The following C1orf146 variants were observed in gnomAD, a reference collection of about 807,000 sequenced individuals.
C1orf146 encodes protein SPO16 homolog.
In C1orf146, 22 loss-of-function variants were observed where a neutral mutation model predicts 23.0. The ratio of observed to expected loss-of-function variants is 0.96; its 90% CI spans 0.68 to 1.36. C1orf146 has a LOEUF of 1.36. C1orf146 is among the 40% of genes most tolerant of loss of function. The pLI is 0.00. For missense variants in C1orf146, 199 were observed against 206.8 expected, an observed-to-expected ratio of 0.96 and a Z score of 0.23; for synonymous variants, 59 against 65.3, an observed-to-expected ratio of 0.90 and a Z score of 0.47.
intron 1 of C1orf146, chr1:92,229,245 A>G (rs893072000): frequency 9.0e-6 from 5 of 556,022 alleles, no homozygotes; most frequent in African/African-American, 1.9e-5. Context: ...GCCGCTGGAC[A>G]GCACTGTGTT....
chr1:92,220,549 C>T (rs774399366), intron 1 of C1orf146, among the ~76,000 whole-genome samples: 7 of 152,128 alleles, frequency 4.6e-5, no homozygotes, highest in Non-Finnish European at 1.0e-4. Context: ...TGTAGGCAAC[C>T]TGCATATCTA....
At chr1:92,236,371 G>A (rs529316525) in intron 2 of C1orf146, among the ~76,000 whole-genome samples, 5 of 152,028 alleles carry the variant, frequency 3.3e-5, no homozygotes, top group Admixed American at 1.3e-4. Flanking sequence ...CTTATGAAGC[G>A]TAGTTTGGCT....
chr1:92,222,145 G>A (rs1651832877), intron 1 of C1orf146, among the ~76,000 whole-genome samples: 1 of 152,146 alleles, frequency 6.6e-6, no homozygotes, highest in African/African-American at 2.4e-5. Flanking sequence ...GGAGGCTGAG[G>A]CACGAGAACC....
intron 1 of C1orf146, among the ~76,000 whole-genome samples, chr1:92,219,472 A>G (rs1211135583): frequency 6.9e-6 from 1 of 144,676 alleles, no homozygotes; most frequent in African/African-American, 2.5e-5. Context: ...CTAACTTACC[A>G]TCACTGAAAG....
intron 1 of C1orf146, among the ~76,000 whole-genome samples, chr1:92,229,798 A>G (rs1652064737): frequency 6.6e-6 from 1 of 152,176 alleles, no homozygotes; most frequent in African/African-American, 2.4e-5. Context: ...TGATATCTAT[A>G]ATATACAAAG....
chr1:92,222,633 C>CTGGA (rs1470037386), intron 1 of C1orf146, among the ~76,000 whole-genome samples: 1 of 143,066 alleles, frequency 7.0e-6, no homozygotes, highest in Non-Finnish European at 1.5e-5. Flanking sequence ...GTTGCCCAGG[C>CTGGA]TGGAGTGCAG....
intron 2 of C1orf146, among the ~76,000 whole-genome samples, chr1:92,234,555 T>C (rs962966672): frequency 6.6e-6 from 1 of 152,248 alleles, no homozygotes; most frequent in Admixed American, 6.5e-5. Context: ...TCATCAAGGA[T>C]ATTGGTCTAA....
At chr1:92,239,147 C>T (rs888713610) in intron 2 of C1orf146, among the ~76,000 whole-genome samples, 11 of 152,122 alleles carry the variant, frequency 7.2e-5, no homozygotes, top group Admixed American at 6.5e-4. Context: ...AATTCTCAAG[C>T]TAGGTTTTAT....
chr1:92,223,241 T>C (rs998889382), intron 1 of C1orf146, among the ~76,000 whole-genome samples: 15 of 152,182 alleles, frequency 9.9e-5, no homozygotes, highest in African/African-American at 3.6e-4. Flanking sequence ...TGTCAAACTA[T>C]TTTCCAAGTG....
chr1:92,218,792 G>A (rs758962535), intron 1 of C1orf146, among the ~76,000 whole-genome samples: 5 of 152,068 alleles, frequency 3.3e-5, no homozygotes, highest in Non-Finnish European at 4.4e-5. Context: ...GTTTTCAGGT[G>A]AGGATGCAGC....
At chr1:92,238,462 A>T (rs1041140403) in intron 2 of C1orf146, among the ~76,000 whole-genome samples, 1 of 152,270 alleles carries the variant, frequency 6.6e-6, no homozygotes. Flanking sequence ...TCTTATTTCA[A>T]TCCGGAGCAT....
chr1:92,238,242 T>C (rs1276302363), intron 2 of C1orf146, among the ~76,000 whole-genome samples: 1 of 152,186 alleles, frequency 6.6e-6, no homozygotes, highest in African/African-American at 2.4e-5. Flanking sequence ...GCTGACATAA[T>C]ACTAGTTTTA....
intron 1 of C1orf146, among the ~76,000 whole-genome samples, chr1:92,220,888 A>G (rs1651802457): frequency 6.6e-6 from 1 of 152,198 alleles, no homozygotes. Flanking sequence ...TCTGTTGAGC[A>G]TACATTTAGG....
intron 2 of C1orf146, among the ~76,000 whole-genome samples, chr1:92,235,680 T>C (rs942159617): frequency 1.3e-5 from 2 of 152,172 alleles, no homozygotes; most frequent in African/African-American, 4.8e-5. Context: ...ACTTTCTGTC[T>C]CGTTGATCTG....
intron 3 of C1orf146, 88 bp downstream of exon 3, chr1:92,242,393 T>C: frequency 1.5e-6 from 1 of 659,000 alleles, no homozygotes; most frequent in Non-Finnish European, 2.5e-6. Context: ...AACCATGTAA[T>C]GTATTATCTT....
intron 1 of C1orf146, among the ~76,000 whole-genome samples, chr1:92,226,096 T>C (rs1227563458): frequency 6.6e-6 from 1 of 152,212 alleles, no homozygotes; most frequent in Non-Finnish European, 1.5e-5. Flanking sequence ...CACTGTGAGG[T>C]ACAACCGTCA....
chr1:92,228,646 T>C (rs541927612), intron 1 of C1orf146, among the ~76,000 whole-genome samples: 7 of 152,292 alleles, frequency 4.6e-5, no homozygotes, highest in Admixed American at 4.6e-4. Flanking sequence ...GACACATTAA[T>C]ACCCTGCACA....
chr1:92,229,326 C>T (rs1194674162), intron 1 of C1orf146: 1 of 549,004 alleles, frequency 1.8e-6, no homozygotes, highest in Non-Finnish European at 3.7e-6. Flanking sequence ...GTGGGTGCCA[C>T]AGGATTCCAT....
chr1:92,222,835 C>T (rs1421466143), intron 1 of C1orf146, among the ~76,000 whole-genome samples: 1 of 152,048 alleles, frequency 6.6e-6, no homozygotes, highest in East Asian at 1.9e-4. Flanking sequence ...ATCCGCCCAC[C>T]TCGGCCTCCC....
Sources: allele counts gnomAD v4.1 joint callset (sites outside exome capture counted in the v4.1 genomes callset), GRCh38; gene constraint gnomAD v4.1.1; transcripts MANE v1.5; gene names NCBI Gene and HGNC (gene_info 2026-07-23, HGNC 2026-07-21).